RIPOR2: variants seen among roughly 807,000 people sequenced by gnomAD.
The protein encoded by RIPOR2 is RHO family interacting cell polarization regulator 2.
In RIPOR2, 39 loss-of-function variants were observed where a neutral mutation model predicts 114.5. The observed-to-expected ratio is 0.34, with a 90% CI of 0.26 to 0.44. The LOEUF (loss-of-function observed/expected upper bound fraction) is 0.44, where lower values mean the gene tolerates loss of function less well. Among genes scored for constraint, RIPOR2 ranks in the 20% least tolerant of loss-of-function variants. The pLI is 1.00. For missense variants in RIPOR2, 1,007 were observed against 1,255.1 expected, an observed-to-expected ratio of 0.80 and a Z score of 2.99; for synonymous variants, 445 against 484.4, an observed-to-expected ratio of 0.92 and a Z score of 1.07.
At chr6:24,966,419 T>C (rs1394009954) in intron 1 of RIPOR2, among the ~76,000 whole-genome samples, 1 of 152,220 alleles carries the variant, frequency 6.6e-6, no homozygotes, top group Non-Finnish European at 1.5e-5. Context: ...CAAAATTACC[T>C]AGCCTCCCTC....
At chr6:24,830,760 G>A in intron 16 of RIPOR2, 90 bp from the exon 17 acceptor site, 2 of 1,340,768 alleles carry the variant, frequency 1.5e-6, no homozygotes, top group Non-Finnish European at 2.0e-6. Context: ...TTGTTACCCA[G>A]GCTGGAGTGC....
chr6:24,853,882 A>T (rs1350291458), intron 8 of RIPOR2, among the ~76,000 whole-genome samples: 1 of 152,126 alleles, frequency 6.6e-6, no homozygotes, highest in African/African-American at 2.4e-5. Flanking sequence ...TTGGGAGGCC[A>T]AGGCAGGAGG....
At chr6:24,918,191 T>A (rs918548839) in intron 1 of RIPOR2, among the ~76,000 whole-genome samples, 1 of 152,008 alleles carries the variant, frequency 6.6e-6, no homozygotes, top group African/African-American at 2.4e-5. Flanking sequence ...GGCCCCAGTA[T>A]CCCCTGCATC....
At chr6:25,001,399 C>T (rs544957327) in intron 1 of RIPOR2, among the ~76,000 whole-genome samples, 1 of 151,908 alleles carries the variant, frequency 6.6e-6, no homozygotes, top group South Asian at 2.1e-4. Flanking sequence ...CTGAGGTGAG[C>T]GGATCACGAG....
chr6:24,962,012 G>A (rs1387910207), intron 1 of RIPOR2, among the ~76,000 whole-genome samples: 1 of 152,136 alleles, frequency 6.6e-6, no homozygotes, highest in Non-Finnish European at 1.5e-5. Context: ...GGTCCAGAGA[G>A]GCTAAGCACC....
At chr6:25,010,591 G>C (rs1340281767) in intron 1 of RIPOR2, among the ~76,000 whole-genome samples, 1 of 152,182 alleles carries the variant, frequency 6.6e-6, no homozygotes, top group Admixed American at 6.6e-5. Context: ...TTTCTTGTTA[G>C]ATGGCATTTT....
intron 8 of RIPOR2, among the ~76,000 whole-genome samples, chr6:24,857,984 C>A (rs1763651265): frequency 6.6e-6 from 1 of 152,192 alleles, no homozygotes; most frequent in Non-Finnish European, 1.5e-5. Context: ...TCTGAACAGG[C>A]TTTCCTCTGT....
intron 1 of RIPOR2, among the ~76,000 whole-genome samples, chr6:24,888,663 T>C (rs1404917242): frequency 1.3e-5 from 2 of 152,218 alleles, no homozygotes; most frequent in Non-Finnish European, 2.9e-5. Context: ...GGAAATTGAA[T>C]TGAGCCTTAT....
chr6:25,029,027 G>A (rs1166632979), intron 1 of RIPOR2, among the ~76,000 whole-genome samples: 1 of 152,074 alleles, frequency 6.6e-6, no homozygotes, highest in Non-Finnish European at 1.5e-5. Flanking sequence ...GGTGGCTCAC[G>A]CCTGTAATCC....
In RIPOR2 at chr6:25,031,843, G is replaced by T. The variant is rs190952333; in HGVS notation, c.76+10008C>A. 6.8e-3 allele frequency among the ~76,000 whole-genome samples: 962 copies of T among 141,562 alleles called. 10 individuals carry two copies. Among genetic ancestry groups the T allele is most frequent in the African/African-American group, 0.023 (904 of 38,632 alleles). The allele number at this position is 141,562 out of a possible 152,430, so 92.9% of individuals were successfully genotyped here. A position where few individuals can be genotyped will look rare whatever the true frequency, so the allele number is the denominator to read the frequency against. On this transcript the variant is annotated intron_variant, in intron 1 of 13. Coordinates refer to the RIPOR2 transcript ENST00000510784. ...TATATATTATATATAATACAAAAAG[G>T]TTATATATATATTTAGTATATTCAC...
Position 24,848,058 on chromosome 6 carries a change from C to T in RIPOR2, c.1131G>A (p.Pro377=), listed in dbSNP as rs781724482. The change falls in exon 12 of 22, where the codon CCG becomes CCA. Residue 377 remains proline (P), a synonymous_variant. Coordinates refer to ENST00000643898, the MANE Select transcript of RIPOR2 (RefSeq NM_001286445.3). ...RRMSMYSQGT[P]ETPTFKDHSF... is the part of the protein sequence containing the mutation. ...AGTGGTCTTTGAAGGTGGGCGTTTC[C>T]GGGGTACCCTGGCTGTACATGGACA... 4.3e-6 allele frequency: 7 copies of T among 1,613,920 alleles called. No homozygotes were observed. The highest frequency in any genetic ancestry group is 2.2e-5 in the East Asian group (1 of 44,868).
In RIPOR2 at chr6:25,023,686, C is replaced by T. The variant is rs576730529; in HGVS notation, c.76+18165G>A. ...ACTTCATTCCAGTGAAGCGGTTCTC[C>T]ACGATGTCAGTACAGCCCACACCGT... is the stretch of plus-strand genomic sequence containing the variant. On this transcript the variant is annotated intron_variant, in intron 1 of 13. Coordinates refer to the RIPOR2 transcript ENST00000510784. 1,882 of 764,090 alleles carry T rather than the reference C, an allele frequency of 2.5e-3. 4 individuals carry two copies. Among genetic ancestry groups the T allele is most frequent in the Non-Finnish European group, 3.8e-3 (1,573 of 418,896 alleles). The allele number at this position is 764,090 out of a possible 1,614,324, so 47.3% of individuals were successfully genotyped here.
chr6:24,982,177 G>C (rs113326784), intron 1 of RIPOR2, among the ~76,000 whole-genome samples: 3,043 of 152,238 alleles, frequency 0.02, 51 homozygotes, highest in Middle Eastern at 0.044. Context: ...CATATATTTT[G>C]TCCATAAAGT....
intron 1 of RIPOR2, among the ~76,000 whole-genome samples, chr6:25,009,137 T>C (rs1406728316): frequency 6.6e-6 from 1 of 152,136 alleles, no homozygotes; most frequent in Middle Eastern, 3.2e-3. Context: ...GGGCGAGTGA[T>C]GTTGGTCTCG....
chr6:25,009,230 C>T (rs1412844724), intron 1 of RIPOR2, among the ~76,000 whole-genome samples: 1 of 152,200 alleles, frequency 6.6e-6, no homozygotes, highest in African/African-American at 2.4e-5. Context: ...AGGAGAAGAC[C>T]TGCTTCTGTA....
intron 1 of RIPOR2, among the ~76,000 whole-genome samples, chr6:24,897,201 G>A (rs1424502290): frequency 6.6e-6 from 1 of 152,238 alleles, no homozygotes; most frequent in Non-Finnish European, 1.5e-5. Flanking sequence ...ATGTGAACTA[G>A]GCAATGTCTT....
chr6:25,005,702 T>TAC (rs1775523871), intron 1 of RIPOR2, among the ~76,000 whole-genome samples: 1 of 47,522 alleles, frequency 2.1e-5, no homozygotes. Context: ...GAGATATATA[T>TAC]ATATATATAT....
At chr6:24,838,498 G>A (rs563089196) in intron 14 of RIPOR2, among the ~76,000 whole-genome samples, 1 of 152,172 alleles carries the variant, frequency 6.6e-6, no homozygotes, top group Admixed American at 6.5e-5. Context: ...AACCCTATAA[G>A]ACACATGTGA....
At position 24,805,243 on chromosome 6, in the gene RIPOR2, A is replaced by T. The variant is rs1156665253; in HGVS notation, c.*1130T>A. 7.7e-6 allele frequency: 1 copy of T among 130,138 alleles called. No individual in the cohort carries two copies. Among genetic ancestry groups the T allele is most frequent in the Non-Finnish European group, 1.8e-5 (1 of 56,028 alleles). 8.1% of individuals were successfully genotyped at this position (130,138 alleles called of 1,614,324 possible). A position where few individuals can be genotyped will look rare whatever the true frequency, so the allele number is the denominator to read the frequency against. On this transcript the variant is annotated 3_prime_UTR_variant, in exon 22 of 22. Transcript: ENST00000643898. ...AAAATAGCTCTCATTAATTAAAAAA[A>T]AAAAAGCATAAGCTTTGAGTTTTTT...
Sources: allele counts gnomAD v4.1 joint callset (sites outside exome capture counted in the v4.1 genomes callset), GRCh38; gene constraint gnomAD v4.1.1; transcripts MANE v1.5; gene names NCBI Gene and HGNC (gene_info 2026-07-23, HGNC 2026-07-21).